Variants in ARID1B observed in about 807,000 individuals in gnomAD.
ARID1B encodes AT-rich interactive domain-containing protein 1B.
Under a neutral mutation model 212.3 loss-of-function variants are expected in ARID1B, and 30 were observed. The ratio of observed to expected loss-of-function variants is 0.14; its 90% CI spans 0.11 to 0.19. The LOEUF (loss-of-function observed/expected upper bound fraction) is 0.19, where lower values mean the gene tolerates loss of function less well. Ranked by LOEUF, ARID1B falls within the 10% of genes least tolerant of loss-of-function variation. The pLI is 1.00. For synonymous variants in ARID1B, 1,402 were observed against 1,301.7 expected (o/e 1.08, Z -1.66); for missense variants, 2,891 against 3,204.0 (o/e 0.90, Z 2.36).
rs2128377579 is a variant in ARID1B, at chr6:157,201,498, C to G, written c.5263+10C>G. 5.4e-6 allele frequency: 8 copies of G among 1,492,790 alleles called. No individual in the cohort carries two copies. Among genetic ancestry groups the G allele is most frequent in the Non-Finnish European group, 7.1e-6 (8 of 1,121,038 alleles). The allele number at this position is 1,492,790 out of a possible 1,614,324, so 92.5% of individuals were successfully genotyped here. The stretch of plus-strand genomic sequence containing the variant: ...ACCTCCAAAGATATCGGTAAGAATT[C>G]CAAAGCTTTCATTCTGAAATGAATT... On this transcript the variant is annotated intron_variant, in intron 18 of 19. Coordinates refer to ENST00000636930, the MANE Select transcript of ARID1B (RefSeq NM_001374828.1). This position sits in a 1 kb window ranked among gnomAD's most constrained non-coding sequence, Gnocchi z 5.2.
At chr6:156,900,884 A>G (rs1349189300) in intron 2 of ARID1B, among the ~76,000 whole-genome samples, 1 of 152,230 alleles carries the variant, frequency 6.6e-6, no homozygotes, top group Admixed American at 6.5e-5. Flanking sequence ...TAACTGGTAT[A>G]TATGTGCTGT....
At chr6:157,155,062 A>G (rs1468089490) in intron 8 of ARID1B, among the ~76,000 whole-genome samples, 1 of 151,770 alleles carries the variant, frequency 6.6e-6, no homozygotes, top group Non-Finnish European at 1.5e-5. Context: ...TCTTATCTGA[A>G]TTTCGTTACC....
At chr6:157,078,413 T>C (rs192738796) in intron 4 of ARID1B, among the ~76,000 whole-genome samples, 21 of 152,332 alleles carry the variant, frequency 1.4e-4, no homozygotes, top group Non-Finnish European at 2.8e-4. Context: ...TACCAAATTA[T>C]TTTTGAGTTC....
chr6:157,130,765 C>CAGTGGATTTT (rs1562643298), intron 6 of ARID1B, among the ~76,000 whole-genome samples: 2 of 152,166 alleles, frequency 1.3e-5, no homozygotes, highest in East Asian at 3.9e-4. Flanking sequence ...ATCTTACCCT[C>CAGTGGATTTT]CAGCTGCCTC....
At chr6:157,078,360 C>G (rs1203795519) in intron 4 of ARID1B, among the ~76,000 whole-genome samples, 1 of 152,216 alleles carries the variant, frequency 6.6e-6, no homozygotes, top group East Asian at 1.9e-4. Context: ...AAGGTAAATC[C>G]CAGATTCTAT....
intron 4 of ARID1B, among the ~76,000 whole-genome samples, chr6:156,965,193 G>GT (rs916408514): frequency 2.0e-5 from 3 of 152,156 alleles, no homozygotes; most frequent in Non-Finnish European, 2.9e-5. Flanking sequence ...TTTAAACACA[G>GT]TTTTTTAAAG....
intron 4 of ARID1B, among the ~76,000 whole-genome samples, chr6:157,039,878 TTTCTCTTCCTTCCTTCC>T (rs1781744224): frequency 1.1e-5 from 1 of 91,946 alleles, no homozygotes; most frequent in Non-Finnish European, 2.1e-5. Context: ...TTCTCTTTCT[TTTCTCTTCCTTCCTTCC>T]TTCCTTCCTT....
chr6:156,882,536 C>G (rs563923942), intron 2 of ARID1B, among the ~76,000 whole-genome samples: 1 of 152,268 alleles, frequency 6.6e-6, no homozygotes, highest in South Asian at 2.1e-4. Flanking sequence ...GCTACAGATA[C>G]CAACTATAAG....
rs191438896 is a variant in ARID1B, at chr6:157,043,368, C to T, written c.2248-41294C>T. Among the ~76,000 whole-genome samples, 4 of 152,278 alleles carry T rather than the reference C, an allele frequency of 2.6e-5. No homozygotes were observed. The East Asian group carries it at 7.7e-4, about 29-fold the overall frequency. On this transcript the variant is annotated intron_variant, in intron 4 of 19. Coordinates refer to ENST00000636930, the MANE Select transcript of ARID1B (RefSeq NM_001374828.1). The stretch of plus-strand genomic sequence containing the variant: ...TCTCGGCATGGGCGCCTTCTGAGCA[C>T]CATCCTCAGAGCTCAACAGTTCTCA...
At chr6:156,945,233 CTTTTTTTT>C (rs1164805779) in intron 4 of ARID1B, among the ~76,000 whole-genome samples, 9 of 32,662 alleles carry the variant, frequency 2.8e-4, no homozygotes, top group Admixed American at 1.1e-3. Context: ...CCGCATCCGG[CTTTTTTTT>C]TTTTTTTTTT....
At chr6:157,138,595 A>T (rs977268188) in intron 7 of ARID1B, among the ~76,000 whole-genome samples, 3 of 152,150 alleles carry the variant, frequency 2.0e-5, no homozygotes, top group Non-Finnish European at 4.4e-5. Context: ...TGTCTGCCAC[A>T]TAGATTCATT....
chr6:156,803,736 T>G (rs548015599), intron 1 of ARID1B, among the ~76,000 whole-genome samples: 1 of 152,082 alleles, frequency 6.6e-6, no homozygotes, highest in East Asian at 1.9e-4. Context: ...CCACATCCTG[T>G]CTTGGGTGGG....
rs544214088 is a variant in ARID1B, at chr6:157,206,043, A to C, written c.5395-124A>C. On this transcript the variant is annotated intron_variant, in intron 19 of 19. Transcript: ENST00000636930. The surrounding 1 kb of genome is among the most constrained non-coding windows in gnomAD (Gnocchi z 6.8). ...TCTTTCATGGTCCAGCCAAAAAGGG[A>C]GACAAACGTGTGACAATGATGGAAA... The C allele has an allele frequency of 3.6e-6, 4 of 1,111,840 alleles. No individual in the cohort carries two copies. In the East Asian group the frequency reaches 9.5e-5, roughly 26 times the overall value. 68.9% of individuals were successfully genotyped at this position (1,111,840 alleles called of 1,614,324 possible). A position where few individuals can be genotyped will look rare whatever the true frequency, so the allele number is the denominator to read the frequency against.
chr6:157,150,685 A>C (rs1347937568), intron 8 of ARID1B: 1 of 174,494 alleles, frequency 5.7e-6, no homozygotes, highest in African/African-American at 2.4e-5. Flanking sequence ...CTTGTGCATC[A>C]GAACAAATCC....
intron 2 of ARID1B, among the ~76,000 whole-genome samples, chr6:156,898,495 A>G (rs1448754696): frequency 6.6e-6 from 1 of 152,122 alleles, no homozygotes; most frequent in African/African-American, 2.4e-5. Context: ...GCCAGAACTC[A>G]AAAGGAGCTG....
chr6:156,976,421 T>TG, intron 4 of ARID1B: 1 of 168,952 alleles, frequency 5.9e-6, no homozygotes, highest in South Asian at 1.4e-4. Context: ...GGGGTGGAGT[T>TG]GGGGGGACTT....
At chr6:157,100,024 C>G (rs539625870) in intron 5 of ARID1B, among the ~76,000 whole-genome samples, 1 of 152,176 alleles carries the variant, frequency 6.6e-6, no homozygotes, top group South Asian at 2.1e-4. Flanking sequence ...AGTCTAGCCC[C>G]GTTTTGAATG....
chr6:157,125,709 G>T (rs1480447931), intron 6 of ARID1B, among the ~76,000 whole-genome samples: 5 of 152,178 alleles, frequency 3.3e-5, no homozygotes, highest in Admixed American at 2.6e-4. Flanking sequence ...CACTGACTTT[G>T]AGTTATTTGT....
intron 4 of ARID1B, among the ~76,000 whole-genome samples, chr6:157,018,389 T>A (rs1275846500): frequency 6.6e-6 from 1 of 152,078 alleles, no homozygotes; most frequent in Non-Finnish European, 1.5e-5. Flanking sequence ...CTAATTTTTG[T>A]ATTTTTAGTA....
Sources: allele counts gnomAD v4.1 joint callset (sites outside exome capture counted in the v4.1 genomes callset), GRCh38; gene constraint gnomAD v4.1.1; non-coding constraint Gnocchi (gnomAD v3.1); transcripts MANE v1.5; gene names NCBI Gene and HGNC (gene_info 2026-07-23, HGNC 2026-07-21).